The following ZHX3 variants were observed in gnomAD, a reference collection of about 807,000 sequenced individuals.
ZHX3 encodes the protein zinc fingers and homeoboxes protein 3.
Under a neutral mutation model 64.5 loss-of-function variants are expected in ZHX3, and 20 were observed. That is an observed-to-expected ratio of 0.31 (90% CI 0.22 to 0.45). ZHX3 has a LOEUF of 0.45. ZHX3 is among the 20% of genes least tolerant of loss of function. ZHX3 has a pLI of 1.00. For missense variants in ZHX3, 1,041 were observed against 1,195.8 expected (o/e 0.87, Z 1.91); for synonymous variants, 423 against 461.6 (o/e 0.92, Z 1.07).
chr20:41,230,973 C>T (rs552191372), intron 2 of ZHX3, among the ~76,000 whole-genome samples: 46 of 152,282 alleles, frequency 3.0e-4, no homozygotes, highest in South Asian at 6.2e-4. Context: ...ATTATAATAT[C>T]ATACAAAATA....
intron 1 of ZHX3, among the ~76,000 whole-genome samples, chr20:41,294,177 G>A (rs1395319846): frequency 3.3e-5 from 5 of 152,244 alleles, no homozygotes; most frequent in Non-Finnish European, 5.9e-5. Context: ...TCCAGGGCTA[G>A]AGGATGCTTG....
At chr20:41,268,367 T>C (rs1540907) in intron 2 of ZHX3, among the ~76,000 whole-genome samples, 66,654 of 151,746 alleles carry the variant, frequency 0.44, 16,935 homozygotes, top group East Asian at 0.81. Flanking sequence ...CAATGATTGT[T>C]TGCTAGTGTG....
At chr20:41,316,653 C>T (rs998902948) in intron 1 of ZHX3, among the ~76,000 whole-genome samples, 3 of 152,172 alleles carry the variant, frequency 2.0e-5, no homozygotes, top group Non-Finnish European at 4.4e-5. Context: ...CTCACTCCCC[C>T]ACCCCAAGTC....
chr20:41,202,327 C>G lies in ZHX3; in HGVS notation c.2590G>C (p.Asp864His). Residue 864 changes from aspartate (D) to histidine (H), a missense_variant, in exon 3 of 4, where the codon GAC becomes CAC. Transcript: ENST00000683867. The surrounding 1 kb of genome is among the most constrained non-coding windows in gnomAD (Gnocchi z 7.0). ...YMTHKMLYEE[D>H]LQNLCDKTQM... ...GTCTTGTCACAGAGGTTCTGCAGGTCCTCTTCATACAGCATCTTGTGTGTC... is the reference window on the plus strand; with the variant it reads ...GTCTTGTCACAGAGGTTCTGCAGGTGCTCTTCATACAGCATCTTGTGTGTC... 1 of 1,614,184 alleles carries G rather than the reference C, an allele frequency of 6.2e-7. No individual in the cohort carries two copies. The highest frequency in any genetic ancestry group is 2.2e-5 in the East Asian group (1 of 44,882).
chr20:41,313,385 G>A (rs1485849317), intron 1 of ZHX3, among the ~76,000 whole-genome samples: 1 of 152,056 alleles, frequency 6.6e-6, no homozygotes, highest in Non-Finnish European at 1.5e-5. Context: ...AGGGTCCTGG[G>A]AATTGATGAG....
intron 1 of ZHX3, among the ~76,000 whole-genome samples, chr20:41,301,135 G>T (rs2044787211): frequency 6.6e-6 from 1 of 152,070 alleles, no homozygotes; most frequent in African/African-American, 2.4e-5. Flanking sequence ...CTAAGAACAG[G>T]GAGTGAGCTA....
intron 1 of ZHX3, among the ~76,000 whole-genome samples, chr20:41,294,507 A>ACC (rs560143132): frequency 6.6e-6 from 1 of 151,316 alleles, no homozygotes; most frequent in Non-Finnish European, 1.5e-5. Flanking sequence ...GATTACAGGC[A>ACC]CCCCCCCACC....
intron 3 of ZHX3, among the ~76,000 whole-genome samples, chr20:41,193,504 T>C (rs951522227): frequency 6.6e-6 from 1 of 152,134 alleles, no homozygotes; most frequent in African/African-American, 2.4e-5. Flanking sequence ...ACAGATAGGG[T>C]CTCACTATGT....
At position 41,200,136 on chromosome 20, in the gene ZHX3, A is replaced by G. The variant is rs2038100415; in HGVS notation, c.2860+1921T>C. ...CAAAAAAAAACCATCAAAATTTGTA[A>G]GCCTCTCCATCAAGCTCTTCCCTGG... On this transcript the variant is annotated intron_variant, in intron 3 of 3. Coordinates refer to ENST00000683867, the MANE Select transcript of ZHX3 (RefSeq NM_001384317.1). The surrounding 1 kb of genome is among the most constrained non-coding windows in gnomAD (Gnocchi z 4.2). Among the ~76,000 whole-genome samples, 1 of 152,152 alleles carries G rather than the reference A, an allele frequency of 6.6e-6. No homozygotes were observed. Among genetic ancestry groups the G allele is most frequent in the Non-Finnish European group, 1.5e-5 (1 of 68,032 alleles).
intron 2 of ZHX3, among the ~76,000 whole-genome samples, chr20:41,225,827 A>C (rs1315187419): frequency 1.3e-5 from 2 of 152,194 alleles, no homozygotes; most frequent in Non-Finnish European, 2.9e-5. Flanking sequence ...GGTAGTGTTA[A>C]GCACATTCAC....
chr20:41,291,459 C>T (rs1190501073), intron 1 of ZHX3, among the ~76,000 whole-genome samples: 1 of 152,036 alleles, frequency 6.6e-6, no homozygotes, highest in Non-Finnish European at 1.5e-5. Context: ...TCTCTTCTAA[C>T]GAAGACGCAG....
chr20:41,235,093 T>C (rs982180081), intron 2 of ZHX3, among the ~76,000 whole-genome samples: 13 of 152,170 alleles, frequency 8.5e-5, no homozygotes, highest in Non-Finnish European at 1.8e-4. Context: ...TTTTGAATTA[T>C]TGTAATGCTG....
intron 2 of ZHX3, among the ~76,000 whole-genome samples, chr20:41,244,760 C>A (rs568150556): frequency 1.3e-5 from 2 of 152,166 alleles, no homozygotes; most frequent in South Asian, 2.1e-4. Flanking sequence ...GGAATTCCCA[C>A]GCCCATTTGG....
intron 2 of ZHX3, among the ~76,000 whole-genome samples, chr20:41,234,740 G>C: frequency 6.6e-6 from 1 of 152,220 alleles, no homozygotes; most frequent in Non-Finnish European, 1.5e-5. Flanking sequence ...TGACTCCAGT[G>C]TCACAAGAAA....
At chr20:41,197,479 G>A (rs994991634) in intron 3 of ZHX3, among the ~76,000 whole-genome samples, 1 of 149,104 alleles carries the variant, frequency 6.7e-6, no homozygotes, top group Non-Finnish European at 1.5e-5. Flanking sequence ...TGATAATATA[G>A]CCACCTCAGC....
At chr20:41,214,765 G>A (rs77249578) in intron 2 of ZHX3, among the ~76,000 whole-genome samples, 148 of 152,294 alleles carry the variant, frequency 9.7e-4, no homozygotes, top group Non-Finnish European at 1.7e-3. Flanking sequence ...GACACTCATG[G>A]AGCATGTCTG....
chr20:41,196,601 A>G (rs2037722589), intron 3 of ZHX3: 1 of 104,742 alleles, frequency 9.5e-6, no homozygotes, highest in South Asian at 2.5e-4. Flanking sequence ...ATATATAAAT[A>G]TTTTATCAAT....
rs180745886 is a variant in ZHX3 at position 41,212,661 on chromosome 20, T to G, written c.-150-7595A>C. Among the ~76,000 whole-genome samples the G allele has an allele frequency of 5.1e-4, 77 of 151,906 alleles. 1 individual carries two copies. Among genetic ancestry groups the G allele is most frequent in the East Asian group, 4.8e-3 (25 of 5,176 alleles). Reference sequence around the variant, plus strand: ...AAAAATGCTAAATTAGCCAGGCATGTTGGTGCATGACTGTAATCCCAGCTA... The same window carrying G: ...AAAAATGCTAAATTAGCCAGGCATGGTGGTGCATGACTGTAATCCCAGCTA... On this transcript the variant is annotated intron_variant, in intron 2 of 3. Transcript: ENST00000683867. The surrounding 1 kb of genome is among the most constrained non-coding windows in gnomAD (Gnocchi z 4.3).
chr20:41,247,269 A>G (rs2041753584), intron 2 of ZHX3, among the ~76,000 whole-genome samples: 1 of 152,188 alleles, frequency 6.6e-6, no homozygotes, highest in Non-Finnish European at 1.5e-5. Flanking sequence ...ACCTGTTTCA[A>G]AAAAGAAAGA....
Sources: allele counts gnomAD v4.1 joint callset (sites outside exome capture counted in the v4.1 genomes callset), GRCh38; gene constraint gnomAD v4.1.1; non-coding constraint Gnocchi (gnomAD v3.1); transcripts MANE v1.5; gene names NCBI Gene and HGNC (gene_info 2026-07-23, HGNC 2026-07-21).